Variants in NCAM2 observed in about 807,000 individuals in gnomAD.
The protein encoded by NCAM2 is neural cell adhesion molecule 2.
In NCAM2, 30 loss-of-function variants were observed where a neutral mutation model predicts 98.1. The observed-to-expected ratio is 0.31, with a 90% CI of 0.23 to 0.41. NCAM2 has a LOEUF of 0.41. Among genes scored for constraint, NCAM2 ranks in the 10% least tolerant of loss-of-function variants. The probability of loss-of-function intolerance (pLI) is 1.00; values close to 1 mark genes in which losing one functional copy is unlikely to be tolerated. For synonymous variants in NCAM2, 368 were observed against 342.4 expected (o/e 1.07, Z -0.83); for missense variants, 867 against 1,005.8 (o/e 0.86, Z 1.87).
chr21:21,512,239 G>A (rs1988433077), intron 16 of NCAM2, among the ~76,000 whole-genome samples: 1 of 151,958 alleles, frequency 6.6e-6, no homozygotes, highest in Non-Finnish European at 1.5e-5. Context: ...TTCGATTTAA[G>A]TCATTATTCT....
At chr21:21,235,528 A>G (rs1311661785) in intron 1 of NCAM2, among the ~76,000 whole-genome samples, 1 of 152,086 alleles carries the variant, frequency 6.6e-6, no homozygotes, top group Admixed American at 6.6e-5. Context: ...GAAATACCTA[A>G]AATTATAAAC....
intron 1 of NCAM2, among the ~76,000 whole-genome samples, chr21:21,116,950 C>T (rs368993044): frequency 1.3e-5 from 2 of 151,506 alleles, no homozygotes; most frequent in Admixed American, 1.3e-4. Flanking sequence ...AATTTTAAGG[C>T]GATAATTTTT....
At chr21:21,484,895 A>T (rs1001925583) in intron 15 of NCAM2, among the ~76,000 whole-genome samples, 32 of 152,168 alleles carry the variant, frequency 2.1e-4, no homozygotes, top group African/African-American at 7.2e-4. Context: ...TTGAAACTTA[A>T]GCCTTTGCTA....
chr21:21,514,273 C>G (rs138941447), intron 16 of NCAM2, among the ~76,000 whole-genome samples: 3 of 150,818 alleles, frequency 2.0e-5, no homozygotes, highest in Non-Finnish European at 4.4e-5. Context: ...GTCAGGAGTT[C>G]GAAACCAGCC....
chr21:21,176,170 A>T (rs925354206), intron 1 of NCAM2, among the ~76,000 whole-genome samples: 1 of 152,308 alleles, frequency 6.6e-6, no homozygotes, highest in East Asian at 1.9e-4. Flanking sequence ...CCTGTGAATT[A>T]TTGGAAGCAC....
At position 21,118,332 on chromosome 21, in the gene NCAM2, C is replaced by CG. The variant is rs1032839270; in HGVS notation, c.55+119721dup. ...TATTACAAACAACCCAAAGATGCAG[C>CG]GGGGGGGCAGGCTATGATTAAATCT... is the stretch of plus-strand genomic sequence containing the variant. On this transcript the variant is annotated intron_variant, in intron 1 of 17. Coordinates refer to ENST00000400546, the MANE Select transcript of NCAM2 (RefSeq NM_004540.5). 9.9e-4 allele frequency among the ~76,000 whole-genome samples: 150 copies of CG among 151,986 alleles called. 1 individual carries two copies. The highest frequency in any genetic ancestry group is 8.5e-3 in the Admixed American group (130 of 15,242).
At chr21:21,082,097 A>T (rs915783606) in intron 1 of NCAM2, among the ~76,000 whole-genome samples, 2 of 151,332 alleles carry the variant, frequency 1.3e-5, no homozygotes, top group African/African-American at 4.9e-5. Flanking sequence ...GCGTGGTGGC[A>T]GGCGCATGTA....
At chr21:21,192,409 T>C (rs947438428) in intron 1 of NCAM2, among the ~76,000 whole-genome samples, 1 of 151,306 alleles carries the variant, frequency 6.6e-6, no homozygotes, top group Non-Finnish European at 1.5e-5. Context: ...GTAAATAGAG[T>C]AGATAAATAG....
At chr21:21,301,665 T>G (rs1338745212) in intron 5 of NCAM2, among the ~76,000 whole-genome samples, 2 of 148,524 alleles carry the variant, frequency 1.3e-5, no homozygotes, top group Non-Finnish European at 3.0e-5. Context: ...GATAGTTTAC[T>G]GAGAATGATG....
At chr21:21,072,869 C>T (rs1343403884) in intron 1 of NCAM2, among the ~76,000 whole-genome samples, 1 of 152,050 alleles carries the variant, frequency 6.6e-6, no homozygotes, top group Non-Finnish European at 1.5e-5. Flanking sequence ...GTGTGTAGTT[C>T]AGTGGCAGTG....
At chr21:21,472,850 A>T (rs1428454290) in intron 14 of NCAM2, among the ~76,000 whole-genome samples, 7 of 151,906 alleles carry the variant, frequency 4.6e-5, no homozygotes, top group Non-Finnish European at 1.0e-4. Context: ...AAGCATCAGC[A>T]CATGGAACAA....
intron 16 of NCAM2, among the ~76,000 whole-genome samples, chr21:21,524,681 A>G (rs1211388021): frequency 2.6e-5 from 4 of 152,186 alleles, no homozygotes; most frequent in Non-Finnish European, 4.4e-5. Flanking sequence ...TGTCATCTGT[A>G]GACGAATTAA....
At chr21:21,095,489 TAAA>T (rs35258026) in intron 1 of NCAM2, among the ~76,000 whole-genome samples, 7 of 149,016 alleles carry the variant, frequency 4.7e-5, no homozygotes, top group South Asian at 2.1e-4. Flanking sequence ...TTTACCTTTT[TAAA>T]AAAAAAAGCA....
intron 11 of NCAM2, among the ~76,000 whole-genome samples, chr21:21,422,418 G>A (rs1334268678): frequency 6.6e-6 from 1 of 152,032 alleles, no homozygotes; most frequent in Non-Finnish European, 1.5e-5. Flanking sequence ...ATATGTGATT[G>A]TAAGAAAACC....
At chr21:21,265,301 G>A (rs1311341076) in intron 1 of NCAM2, among the ~76,000 whole-genome samples, 7 of 125,732 alleles carry the variant, frequency 5.6e-5, no homozygotes, top group Admixed American at 8.4e-5. Context: ...ATATATACGT[G>A]TATACATACA....
At chr21:21,398,617 G>A (rs1334579904) in intron 9 of NCAM2, among the ~76,000 whole-genome samples, 1 of 152,164 alleles carries the variant, frequency 6.6e-6, no homozygotes, top group African/African-American at 2.4e-5. Flanking sequence ...TTTAAGGAGT[G>A]TGAATAGGAT....
At chr21:21,396,307 A>G in intron 9 of NCAM2, among the ~76,000 whole-genome samples, 1 of 152,236 alleles carries the variant, frequency 6.6e-6, no homozygotes, top group East Asian at 1.9e-4. Flanking sequence ...ACAATGTGAT[A>G]CAACCTCCCT....
Position 21,428,685 on chromosome 21 carries a change from T to A in NCAM2, c.1481-3423T>A, listed in dbSNP as rs140532040. ...TAATGCAGGAATTATTAAAATAGTG[T>A]TTTGACTGATTGTGATGTATAAGAT... On this transcript the variant is annotated intron_variant, in intron 11 of 17. Coordinates refer to ENST00000400546, the MANE Select transcript of NCAM2 (RefSeq NM_004540.5). Among the ~76,000 whole-genome samples, 4 of 152,258 alleles carry A rather than the reference T, an allele frequency of 2.6e-5. No individual in the cohort carries two copies. The East Asian group carries it at 7.7e-4, about 29-fold the overall frequency.
At chr21:21,189,707 A>G (rs940793238) in intron 1 of NCAM2, among the ~76,000 whole-genome samples, 1 of 152,232 alleles carries the variant, frequency 6.6e-6, no homozygotes, top group African/African-American at 2.4e-5. Context: ...ATCCTCACCC[A>G]CTAGAAATCA....
Sources: allele counts gnomAD v4.1 joint callset (sites outside exome capture counted in the v4.1 genomes callset), GRCh38; gene constraint gnomAD v4.1.1; transcripts MANE v1.5; gene names NCBI Gene and HGNC (gene_info 2026-07-23, HGNC 2026-07-21).